The following PCDHA13 variants were observed in gnomAD, a reference collection of about 807,000 sequenced individuals.
PCDHA13 encodes protocadherin alpha-13.
A neutral mutation model predicts 64.8 loss-of-function variants in PCDHA13; 54 were observed. That is an observed-to-expected ratio of 0.83 (90% CI 0.67 to 1.04). PCDHA13 has a LOEUF of 1.04. Among genes scored for constraint, PCDHA13 ranks in the 50% least tolerant of loss-of-function variants. The pLI is 0.00. For synonymous variants in PCDHA13, 587 were observed against 564.4 expected (o/e 1.04, Z -0.57); for missense variants, 1,248 against 1,254.3 (o/e 0.99, Z 0.08).
intron 1 of PCDHA13, among the ~76,000 whole-genome samples, chr5:140,960,124 T>C (rs966679082): frequency 3.3e-5 from 5 of 152,216 alleles, no homozygotes; most frequent in African/African-American, 1.2e-4. Flanking sequence ...GTATTCCTTA[T>C]GAAATACTTA....
At chr5:140,934,258 A>G (rs2089731137) in intron 1 of PCDHA13, among the ~76,000 whole-genome samples, 1 of 152,140 alleles carries the variant, frequency 6.6e-6, no homozygotes, top group Non-Finnish European at 1.5e-5. Flanking sequence ...ATCAAAATTA[A>G]TAATAATCAG....
chr5:140,915,677 A>C (rs1352514451), intron 1 of PCDHA13, among the ~76,000 whole-genome samples: 4 of 150,138 alleles, frequency 2.7e-5, no homozygotes, highest in African/African-American at 9.8e-5. Flanking sequence ...GCCATCTTGA[A>C]CTAGGGGTAT....
intron 1 of PCDHA13, among the ~76,000 whole-genome samples, chr5:140,918,519 G>A (rs2078736782): frequency 6.6e-6 from 1 of 152,068 alleles, no homozygotes. Flanking sequence ...AACTTATTGA[G>A]GATTGTTTTA....
intron 1 of PCDHA13, among the ~76,000 whole-genome samples, chr5:140,972,152 A>T (rs1481801555): frequency 6.6e-6 from 1 of 151,770 alleles, no homozygotes; most frequent in African/African-American, 2.4e-5. Context: ...TTTTATTTTT[A>T]TTTTTTTGAG....
At chr5:140,968,410 T>A (rs1554230678) in intron 1 of PCDHA13, 2 of 1,614,040 alleles carry the variant, frequency 1.2e-6, no homozygotes, top group Non-Finnish European at 1.7e-6. Flanking sequence ...TCTTTGTGAC[T>A]GTGGAGGCTC....
rs142640080 is a variant in PCDHA13 at position 140,917,521 on chromosome 5, C to T, written c.2394+32859C>T. Among the ~76,000 whole-genome samples the T allele has an allele frequency of 5.8e-4, 88 of 152,256 alleles. 1 individual carries two copies. In the East Asian group the frequency reaches 0.015, roughly 26 times the overall value. On this transcript the variant is annotated intron_variant, in intron 1 of 3. Transcript: ENST00000289272. ...ATGATATTTTCTAGGTTTTATTCTA[C>T]GGTTTGTATAGTTTTAGGTTTTACA...
chr5:140,900,618 C>A (rs1382793608), intron 1 of PCDHA13, among the ~76,000 whole-genome samples: 1 of 152,180 alleles, frequency 6.6e-6, no homozygotes, highest in Non-Finnish European at 1.5e-5. Context: ...ATGTAGATTG[C>A]TTCCAAATCT....
chr5:140,887,153 G>C (rs950456487), intron 1 of PCDHA13, among the ~76,000 whole-genome samples: 1 of 151,288 alleles, frequency 6.6e-6, no homozygotes, highest in South Asian at 2.1e-4. Flanking sequence ...CTGGAGTACA[G>C]TGGCGTGATC....
chr5:141,005,662 A>G (rs2098227817), intron 3 of PCDHA13, among the ~76,000 whole-genome samples: 1 of 138,324 alleles, frequency 7.2e-6, no homozygotes, highest in East Asian at 2.2e-4. Context: ...AGATCGCGCC[A>G]CTGCACTCCA....
At position 141,009,698 on chromosome 5, in the gene PCDHA13, G is replaced by A. The variant is rs900919931; in HGVS notation, c.2614G>A (p.Gly872Arg). The part of the protein sequence containing the change: ...VNSNSWTFKY[G>R]PGNPKQSGPG... Reference sequence around the variant, plus strand: ...CAGCAACAGCTGGACCTTTAAATACGGACCAGGCAACCCCAAACAATCCGG... The same window carrying A: ...CAGCAACAGCTGGACCTTTAAATACAGACCAGGCAACCCCAAACAATCCGG... The change falls in exon 4 of 4, where the codon GGA (glycine) becomes AGA (arginine). Residue 872 changes from glycine (G) to arginine (R), a missense_variant. Physicochemically the swap from Gly to Arg is moderately radical, Grantham distance 125. Transcript: ENST00000289272. The A allele has an allele frequency of 1.9e-6, 3 of 1,614,030 alleles. No homozygotes were observed. The highest frequency in any genetic ancestry group is 1.1e-5 in the South Asian group (1 of 91,066).
intron 1 of PCDHA13, chr5:140,967,145 A>C: frequency 1.2e-6 from 2 of 1,610,892 alleles, no homozygotes; most frequent in Non-Finnish European, 8.5e-7. Context: ...GCTGGCGCAC[A>C]ACCCCGTGGC....
intron 1 of PCDHA13, among the ~76,000 whole-genome samples, chr5:140,942,504 G>C (rs2093309107): frequency 6.6e-6 from 1 of 151,936 alleles, no homozygotes; most frequent in Admixed American, 6.6e-5. Flanking sequence ...ATGGTATCTA[G>C]GAAACTCAGA....
intron 1 of PCDHA13, among the ~76,000 whole-genome samples, chr5:140,941,214 C>CTTCCTTTCTTT (rs1554214039): frequency 8.2e-6 from 1 of 122,414 alleles, no homozygotes; most frequent in Non-Finnish European, 1.7e-5. Context: ...TTTCTTTCTT[C>CTTCCTTTCTTT]CTTTCTTTCT....
Position 140,884,175 on chromosome 5 carries a change from C to T in PCDHA13, c.1907C>T (p.Pro636Leu). 6.2e-7 allele frequency: 1 copy of T among 1,613,438 alleles called. No individual in the cohort carries two copies. Among genetic ancestry groups the T allele is most frequent in the Non-Finnish European group, 8.5e-7 (1 of 1,179,756 alleles). ...LYTGEISTTR[P>L]LDEVDAPHHR... ...ACTGGCGAGATCAGCACGACGCGCC[C>T]TCTGGACGAGGTGGACGCGCCGCAC... is the stretch of plus-strand genomic sequence containing the variant. The change falls in exon 1 of 4, where the codon CCT becomes CTT. Residue 636 changes from proline to leucine, a missense_variant. Coordinates refer to ENST00000289272, the MANE Select transcript of PCDHA13 (RefSeq NM_018904.3).
chr5:140,911,849 T>C (rs536574096), intron 1 of PCDHA13, among the ~76,000 whole-genome samples: 4 of 152,314 alleles, frequency 2.6e-5, no homozygotes, highest in African/African-American at 9.6e-5. Flanking sequence ...AACTCCATCC[T>C]TAATAGTCTG....
intron 3 of PCDHA13, among the ~76,000 whole-genome samples, chr5:140,985,288 A>G (rs1007960248): frequency 1.3e-5 from 2 of 152,112 alleles, no homozygotes; most frequent in African/African-American, 4.8e-5. Flanking sequence ...AATCTATGAT[A>G]TAGTGTTGGC....
At chr5:140,973,276 C>G (rs1416819589) in intron 1 of PCDHA13, among the ~76,000 whole-genome samples, 1 of 152,132 alleles carries the variant, frequency 6.6e-6, no homozygotes, top group African/African-American at 2.4e-5. Context: ...TTTATTTCCC[C>G]CAGCACTGAT....
intron 1 of PCDHA13, among the ~76,000 whole-genome samples, chr5:140,903,617 G>T (rs1488747657): frequency 1.3e-5 from 2 of 152,140 alleles, no homozygotes; most frequent in Non-Finnish European, 2.9e-5. Context: ...ACATGAATGT[G>T]CATGCATATG....
chr5:140,928,540 G>T lies in PCDHA13; in HGVS notation c.2394+43878G>T, dbSNP rs1554205973. 4 of 1,614,094 alleles carry T rather than the reference G, an allele frequency of 2.5e-6. No homozygotes were observed. In the Admixed American group the frequency reaches 5.0e-5, roughly 20 times the overall value. On this transcript the variant is annotated intron_variant, in intron 1 of 3. Coordinates refer to ENST00000289272, the MANE Select transcript of PCDHA13 (RefSeq NM_018904.3). The stretch of plus-strand genomic sequence containing the variant: ...AAACTTGTTTGTGGTAGATAGGAAT[G>T]ACAATTATCCGGTTATCTTGTTTCC...
Sources: allele counts gnomAD v4.1 joint callset (sites outside exome capture counted in the v4.1 genomes callset), GRCh38; gene constraint gnomAD v4.1.1; transcripts MANE v1.5; gene names NCBI Gene and HGNC (gene_info 2026-07-23, HGNC 2026-07-21).